The following ADGRL2 variants were observed in gnomAD, a reference collection of about 807,000 sequenced individuals.
ADGRL2 encodes adhesion G protein-coupled receptor L2.
In ADGRL2, 44 loss-of-function variants were observed where a neutral mutation model predicts 157.4. The ratio of observed to expected loss-of-function variants is 0.28; its 90% CI spans 0.22 to 0.36. The LOEUF is 0.36. Ranked by LOEUF, ADGRL2 falls within the 10% of genes least tolerant of loss-of-function variation. ADGRL2 has a pLI of 1.00. For synonymous variants in ADGRL2, 585 were observed against 624.7 expected (o/e 0.94, Z 0.95); for missense variants, 1,510 against 1,768.9 (o/e 0.85, Z 2.63).
Position 81,410,703 on chromosome 1 carries a change from A to G in ADGRL2, c.-301-34333A>G, listed in dbSNP as rs536967194. On this transcript the variant is annotated intron_variant, in intron 1 of 24. Coordinates refer to the ADGRL2 transcript ENST00000370721. Reference sequence around the variant, plus strand: ...AAGATTTGTATAGTATTAGCACATGATATGTTGAATTTATTTAAAGCCAAT... The same window carrying G: ...AAGATTTGTATAGTATTAGCACATGGTATGTTGAATTTATTTAAAGCCAAT... Among the ~76,000 whole-genome samples, 60 of 152,326 alleles carry G rather than the reference A, an allele frequency of 3.9e-4. No homozygotes were observed. The South Asian group carries it at 0.012, about 31-fold the overall frequency.
intron 1 of ADGRL2, among the ~76,000 whole-genome samples, chr1:81,324,823 T>G (rs1660781941): frequency 6.6e-6 from 1 of 152,030 alleles, no homozygotes; most frequent in Non-Finnish European, 1.5e-5. Context: ...TTCAAGCGAT[T>G]CCCCTGCTTC....
At chr1:81,561,500 A>G (rs1355434700) in intron 2 of ADGRL2, among the ~76,000 whole-genome samples, 1 of 144,048 alleles carries the variant, frequency 6.9e-6, no homozygotes, top group Non-Finnish European at 1.5e-5. Flanking sequence ...TTGCTCAGCC[A>G]CCCAGGCTGG....
chr1:81,823,242 C>G (rs1442648649), intron 1 of ADGRL2, among the ~76,000 whole-genome samples: 1 of 151,962 alleles, frequency 6.6e-6, no homozygotes, highest in East Asian at 1.9e-4. Context: ...TTTATTCTTT[C>G]CACTATTCAT....
At chr1:81,461,933 G>GT (rs1553166996) in intron 2 of ADGRL2, among the ~76,000 whole-genome samples, 1 of 121,766 alleles carries the variant, frequency 8.2e-6, no homozygotes, top group Non-Finnish European at 1.8e-5. Context: ...AGAAGAAAGG[G>GT]GGGGGGGGGT....
intron 2 of ADGRL2, among the ~76,000 whole-genome samples, chr1:81,541,225 T>C (rs2079875344): frequency 6.6e-6 from 1 of 152,220 alleles, no homozygotes; most frequent in African/African-American, 2.4e-5. Flanking sequence ...AAATATTATG[T>C]CTGTGTTGTA....
intron 3 of ADGRL2, among the ~76,000 whole-genome samples, chr1:81,624,472 C>T (rs2081867089): frequency 6.6e-6 from 1 of 151,852 alleles, no homozygotes; most frequent in African/African-American, 2.4e-5. Flanking sequence ...TCCCAGCTAC[C>T]CTCGGAGGCT....
intron 2 of ADGRL2, among the ~76,000 whole-genome samples, chr1:81,869,730 C>G (rs1557812326): frequency 6.6e-6 from 1 of 151,796 alleles, no homozygotes; most frequent in Non-Finnish European, 1.5e-5. Flanking sequence ...ATTTGTGACT[C>G]AGAATTGAGT....
intron 3 of ADGRL2, among the ~76,000 whole-genome samples, chr1:81,658,365 G>C (rs2082580410): frequency 6.6e-6 from 1 of 152,154 alleles, no homozygotes; most frequent in South Asian, 2.1e-4. Flanking sequence ...AAAGTGTTGG[G>C]ATTACAGGTG....
chr1:81,535,823 A>G (rs1319983343), intron 2 of ADGRL2, among the ~76,000 whole-genome samples: 1 of 152,208 alleles, frequency 6.6e-6, no homozygotes, highest in African/African-American at 2.4e-5. Flanking sequence ...GGCTCCTGCA[A>G]AGTAGGTTTG....
chr1:81,369,127 G>A (rs2076118079), intron 1 of ADGRL2, among the ~76,000 whole-genome samples: 1 of 152,084 alleles, frequency 6.6e-6, no homozygotes, highest in Non-Finnish European at 1.5e-5. Flanking sequence ...GGATGCATGT[G>A]GGTGTGGGAG....
At chr1:81,558,705 AGTACCTG>A (rs1000461699) in intron 2 of ADGRL2, among the ~76,000 whole-genome samples, 3 of 152,176 alleles carry the variant, frequency 2.0e-5, no homozygotes, top group African/African-American at 7.2e-5. Context: ...TGTTTATAAT[AGTACCTG>A]GTACCTGGTT....
In ADGRL2 at chr1:81,943,612, A is replaced by G. The variant is rs370238936; in HGVS notation, c.1053A>G (p.Arg351=). The change falls in exon 6 of 24, where the codon CGA becomes CGG. Residue 351 remains arginine, a synonymous_variant. Transcript: ENST00000686636. The surrounding 1 kb of genome is among the most constrained non-coding windows in gnomAD (Gnocchi z 5.6). ...KNSIDYIYNT[R]LNRGEYVDVP... ...CAATTGATTACATTTATAATACCCG[A>G]TTAAACCGAGGAGAATATGTAGATG... The G allele has an allele frequency of 3.1e-6, 5 of 1,613,616 alleles. No individual in the cohort carries two copies. In the African/African-American group the frequency reaches 6.7e-5, roughly 22 times the overall value.
chr1:81,404,992 A>T (rs1459481319), intron 1 of ADGRL2, among the ~76,000 whole-genome samples: 1 of 152,184 alleles, frequency 6.6e-6, no homozygotes, highest in East Asian at 1.9e-4. Flanking sequence ...TTCTAGAATA[A>T]TTTTTCAGTT....
At chr1:81,890,511 A>T (rs2151414058) in intron 2 of ADGRL2, among the ~76,000 whole-genome samples, 1 of 152,272 alleles carries the variant, frequency 6.6e-6, no homozygotes. Context: ...CTGGGAAGAA[A>T]CTTGGACTAA....
At chr1:81,946,181 A>G (rs533953860) in intron 6 of ADGRL2, among the ~76,000 whole-genome samples, 1 of 152,278 alleles carries the variant, frequency 6.6e-6, no homozygotes, top group Non-Finnish European at 1.5e-5. Flanking sequence ...CCAAGGCATA[A>G]ATTGTGCTAT....
At chr1:81,970,834 C>G (rs1015697222) in intron 16 of ADGRL2, among the ~76,000 whole-genome samples, 5 of 152,086 alleles carry the variant, frequency 3.3e-5, no homozygotes, top group Non-Finnish European at 4.4e-5. Context: ...AGTAAAAATT[C>G]TTCTGAACTT....
intron 1 of ADGRL2, among the ~76,000 whole-genome samples, chr1:81,361,033 T>C (rs1168525784): frequency 6.6e-6 from 1 of 151,916 alleles, no homozygotes; most frequent in Admixed American, 6.6e-5. Context: ...AGAAAGCCCC[T>C]AATCTTGCAC....
chr1:81,408,802 G>C (rs1238825980), intron 1 of ADGRL2, among the ~76,000 whole-genome samples: 2 of 152,190 alleles, frequency 1.3e-5, no homozygotes, highest in Non-Finnish European at 2.9e-5. Flanking sequence ...ATAATGCATG[G>C]TTTGGGATCC....
At position 81,990,932 on chromosome 1, in the gene ADGRL2, C is replaced by T; in HGVS notation, c.4197C>T (p.Asp1399=). The stretch of plus-strand genomic sequence containing the variant: ...CTCCCTATCCGGAGAGCAGCCCTGA[C>T]ATGGAAGAAGACCTCTCTCCCTCCA... ...RDSPYPESSP[D]MEEDLSPSRR... Residue 1399 remains aspartate (D), a synonymous_variant, in exon 24 of 24, where the codon GAC becomes GAT. Coordinates refer to ENST00000686636, the MANE Select transcript of ADGRL2 (RefSeq NM_001366006.2). The T allele has an allele frequency of 6.2e-7, 1 of 1,614,048 alleles. No individual in the cohort carries two copies.
Sources: allele counts gnomAD v4.1 joint callset (sites outside exome capture counted in the v4.1 genomes callset), GRCh38; gene constraint gnomAD v4.1.1; non-coding constraint Gnocchi (gnomAD v3.1); transcripts MANE v1.5; gene names NCBI Gene and HGNC (gene_info 2026-07-23, HGNC 2026-07-21).